Variants in VSTM4 observed in about 807,000 individuals in gnomAD.
VSTM4 encodes V-set and transmembrane domain containing 4, also known as V-set and transmembrane domain-containing protein 4.
VSTM4 carries 20 observed loss-of-function variants against 36.4 expected under a neutral mutation model. That is an observed-to-expected ratio of 0.55 (90% CI 0.39 to 0.80). The LOEUF is 0.80. Ranked by LOEUF, VSTM4 falls within the 30% of genes least tolerant of loss-of-function variation. The pLI, the probability that VSTM4 is intolerant of heterozygous loss-of-function variation, is 0.00. For synonymous variants in VSTM4, 182 were observed against 173.9 expected (o/e 1.05, Z -0.37); for missense variants, 392 against 404.5 (o/e 0.97, Z 0.26).
chr10:49,020,727 A>AGGAAGGAAG (rs1554828653), intron 7 of VSTM4, among the ~76,000 whole-genome samples: 16,272 of 74,220 alleles, frequency 0.22, 1,971 homozygotes, highest in Non-Finnish European at 0.28. Context: ...GAAGGAAAGA[A>AGGAAGGAAG]GAAGGAAGGA....
intron 5 of VSTM4, among the ~76,000 whole-genome samples, chr10:49,061,538 T>G (rs1423325356): frequency 6.6e-6 from 1 of 152,118 alleles, no homozygotes; most frequent in African/African-American, 2.4e-5. Flanking sequence ...GTTCTTTCAG[T>G]TTTTGATGTT....
chr10:49,020,727 A>AGAAGGAAG lies in VSTM4; in HGVS notation c.838-960_838-953dup, dbSNP rs1164757548. On this transcript the variant is annotated intron_variant, in intron 7 of 7. Coordinates refer to ENST00000332853, the MANE Select transcript of VSTM4 (RefSeq NM_001031746.5). ...GAGGGAAGAAGGAAGGAAGGAAAGA[A>AGAAGGAAG]GAAGGAAGGAAGGAAGGAAGGAAGG... Among the ~76,000 whole-genome samples, 73 of 74,626 alleles carry AGAAGGAAG rather than the reference A, an allele frequency of 9.8e-4. 1 individual carries two copies. Among genetic ancestry groups the AGAAGGAAG allele is most frequent in the East Asian group, 2.4e-3 (6 of 2,528 alleles). The allele number at this position is 74,626 out of a possible 152,430, so 49.0% of individuals were successfully genotyped here. A position where few individuals can be genotyped will look rare whatever the true frequency, so the allele number is the denominator to read the frequency against.
chr10:49,073,423 C>T (rs534188249), intron 4 of VSTM4, among the ~76,000 whole-genome samples: 56 of 152,326 alleles, frequency 3.7e-4, no homozygotes, highest in Admixed American at 2.4e-3. Flanking sequence ...ATATCCCCAC[C>T]TTCTCAGCTA....
chr10:49,025,160 A>G (rs1465271327), intron 7 of VSTM4, among the ~76,000 whole-genome samples: 3 of 152,148 alleles, frequency 2.0e-5, no homozygotes, highest in Non-Finnish European at 4.4e-5. Flanking sequence ...TCCGGCCTCC[A>G]CAACTGTGAG....
chr10:49,077,695 T>C (rs1453074371), intron 3 of VSTM4, among the ~76,000 whole-genome samples: 2 of 152,062 alleles, frequency 1.3e-5, no homozygotes, highest in Non-Finnish European at 2.9e-5. Context: ...ATGTAAAATG[T>C]AAGCTAGAAG....
intron 2 of VSTM4, among the ~76,000 whole-genome samples, chr10:49,106,304 G>A (rs987098110): frequency 6.6e-6 from 1 of 152,084 alleles, no homozygotes; most frequent in African/African-American, 2.4e-5. Context: ...TTGTATTTGA[G>A]ACTATCAGCT....
intron 7 of VSTM4, among the ~76,000 whole-genome samples, chr10:49,045,266 AAAAT>A (rs1207002923): frequency 6.6e-6 from 1 of 152,134 alleles, no homozygotes; most frequent in African/African-American, 2.4e-5. Context: ...TATTAACAAC[AAAAT>A]AAATAATTAT....
intron 1 of VSTM4, 83 bp downstream of exon 1, chr10:49,115,348 C>CA: frequency 1.1e-6 from 1 of 917,774 alleles, no homozygotes; most frequent in Non-Finnish European, 1.3e-6. Context: ...AGGGCCTCCC[C>CA]ACCAGGCCCG....
chr10:49,034,016 C>T (rs568832356), intron 7 of VSTM4, among the ~76,000 whole-genome samples: 1 of 151,864 alleles, frequency 6.6e-6, no homozygotes. Context: ...ATCATCATCA[C>T]CATTATTACC....
At chr10:49,052,244 G>A (rs1029830130) in intron 5 of VSTM4, among the ~76,000 whole-genome samples, 1 of 152,170 alleles carries the variant, frequency 6.6e-6, no homozygotes, top group Non-Finnish European at 1.5e-5. Context: ...CTCAACAAAT[G>A]AGAATACCTA....
chr10:49,113,193 C>T (rs1844929371), intron 1 of VSTM4, among the ~76,000 whole-genome samples: 1 of 152,198 alleles, frequency 6.6e-6, no homozygotes, highest in South Asian at 2.1e-4. Context: ...CAGCAGTGAG[C>T]TTTCTTATTA....
At chr10:49,082,504 T>A (rs1047200262) in intron 3 of VSTM4, among the ~76,000 whole-genome samples, 1 of 152,032 alleles carries the variant, frequency 6.6e-6, no homozygotes, top group Admixed American at 6.6e-5. Context: ...TAGTACAAAT[T>A]TTTGTACTAA....
intron 6 of VSTM4, among the ~76,000 whole-genome samples, chr10:49,048,004 A>G (rs1843640253): frequency 6.6e-6 from 1 of 152,200 alleles, no homozygotes; most frequent in South Asian, 2.1e-4. Flanking sequence ...TCTAAATCAT[A>G]ACTGGAATCA....
intron 7 of VSTM4, among the ~76,000 whole-genome samples, chr10:49,035,657 A>C (rs117396070): frequency 0.024 from 2,351 of 97,002 alleles, 66 homozygotes; most frequent in South Asian, 0.18. Context: ...ACATAGCGAG[A>C]TCCCAGCTCC....
In VSTM4 at chr10:49,070,145, T is replaced by C. The variant is rs1029299976; in HGVS notation, c.635-5409A>G. Among the ~76,000 whole-genome samples the C allele has an allele frequency of 2.9e-5, 3 of 103,948 alleles. 1 individual carries two copies. In the South Asian group the frequency reaches 9.1e-4, roughly 32 times the overall value. The allele number at this position is 103,948 out of a possible 152,430, so 68.2% of individuals were successfully genotyped here. A position where few individuals can be genotyped will look rare whatever the true frequency, so the allele number is the denominator to read the frequency against. Reference sequence around the variant, plus strand: ...GCGGGCGCCTGTAGTCCCAGCTACTTGGGAGGCTGAGGCAGGAGAATGGCA... The same window carrying C: ...GCGGGCGCCTGTAGTCCCAGCTACTCGGGAGGCTGAGGCAGGAGAATGGCA... On this transcript the variant is annotated intron_variant, in intron 4 of 7. Transcript: ENST00000332853.
intron 1 of VSTM4, among the ~76,000 whole-genome samples, chr10:49,108,351 T>A (rs1180978842): frequency 2.0e-5 from 3 of 152,210 alleles, no homozygotes; most frequent in Non-Finnish European, 4.4e-5. Context: ...CTAGCCCACA[T>A]CCAACCCCCC....
intron 5 of VSTM4, among the ~76,000 whole-genome samples, chr10:49,062,943 CAT>C (rs1344325271): frequency 1.3e-5 from 2 of 151,480 alleles, no homozygotes; most frequent in African/African-American, 2.4e-5. Flanking sequence ...CTATAATTTC[CAT>C]ATGTTTGTTT....
chr10:49,099,548 C>A (rs1238621997), intron 2 of VSTM4, among the ~76,000 whole-genome samples: 3 of 152,174 alleles, frequency 2.0e-5, no homozygotes, highest in African/African-American at 7.2e-5. Context: ...CTAACATTGA[C>A]CCTCATGATT....
At position 49,049,342 on chromosome 10, in the gene VSTM4, C is replaced by T. The variant is rs191763630; in HGVS notation, c.669-758G>A. Among the ~76,000 whole-genome samples, 9 of 152,260 alleles carry T rather than the reference C, an allele frequency of 5.9e-5. No homozygotes were observed. The East Asian group carries it at 9.7e-4, about 16-fold the overall frequency. On this transcript the variant is annotated intron_variant, in intron 5 of 7. Coordinates refer to ENST00000332853, the MANE Select transcript of VSTM4 (RefSeq NM_001031746.5). ...AAGGCTTAAATAGGCTACATGATTGCTCTAAGTGACATTGTTGGTAAGCAG... is the reference window on the plus strand; with the variant it reads ...AAGGCTTAAATAGGCTACATGATTGTTCTAAGTGACATTGTTGGTAAGCAG...
Sources: gnomAD v4.1 joint callset for allele counts (sites outside exome capture counted in the v4.1 genomes callset) on GRCh38, gnomAD v4.1.1 for gene constraint, MANE v1.5 for transcripts, NCBI Gene and HGNC (gene_info 2026-07-23, HGNC 2026-07-21) for gene names.